The following CAMTA1 variants were observed in gnomAD, a reference collection of about 807,000 sequenced individuals.
The protein encoded by CAMTA1 is calmodulin-binding transcription activator 1.
A neutral mutation model predicts 170.9 loss-of-function variants in CAMTA1; 27 were observed. The ratio of observed to expected loss-of-function variants is 0.16; its 90% confidence interval spans 0.12 to 0.22. CAMTA1 has a LOEUF of 0.22. Among genes scored for constraint, CAMTA1 ranks in the 10% least tolerant of loss-of-function variants. The probability of loss-of-function intolerance (pLI) is 1.00; values close to 1 mark genes in which losing one functional copy is unlikely to be tolerated. For missense variants in CAMTA1, 1,619 were observed against 2,217.2 expected (o/e 0.73, Z 5.42); for synonymous variants, 833 against 891.5 (o/e 0.93, Z 1.17).
Position 7,769,340 on chromosome 1 carries a change from T to G in CAMTA1, c.*2849T>G, listed in dbSNP as rs1345717430. ...AATTAATAGCTAATCTTATTCTATC[T>G]CCTGAAGATTTAATTGCTATTGTTA... On this transcript the variant is annotated 3_prime_UTR_variant, in exon 23 of 23. Coordinates refer to ENST00000303635, the MANE Select transcript of CAMTA1 (RefSeq NM_015215.4). 6.5e-6 allele frequency: 1 copy of G among 152,794 alleles called. No homozygotes were observed. Among genetic ancestry groups the G allele is most frequent in the Non-Finnish European group, 1.5e-5 (1 of 68,032 alleles). 9.5% of individuals were successfully genotyped at this position (152,794 alleles called of 1,614,324 possible).
At chr1:6,985,249 G>A (rs977788255) in intron 3 of CAMTA1, among the ~76,000 whole-genome samples, 14 of 152,212 alleles carry the variant, frequency 9.2e-5, no homozygotes, top group East Asian at 3.9e-4. Context: ...CAGTAAAGGC[G>A]TCCTGGGTTT....
At chr1:7,692,979 G>A (rs1261233594) in intron 11 of CAMTA1, 1 of 152,272 alleles carries the variant, frequency 6.6e-6, no homozygotes, top group Non-Finnish European at 1.5e-5. Context: ...CATCTGGAGG[G>A]AACACACTTG....
intron 3 of CAMTA1, among the ~76,000 whole-genome samples, chr1:6,948,469 C>T (rs1016044045): frequency 2.6e-5 from 4 of 152,188 alleles, no homozygotes; most frequent in African/African-American, 9.7e-5. Context: ...ATCAGTGTCT[C>T]GTTTCATCCT....
chr1:7,017,702 T>C (rs894779183), intron 3 of CAMTA1, among the ~76,000 whole-genome samples: 1 of 152,214 alleles, frequency 6.6e-6, no homozygotes, highest in African/African-American at 2.4e-5. Flanking sequence ...CACATTCTTG[T>C]TGGTGTCTTA....
intron 3 of CAMTA1, among the ~76,000 whole-genome samples, chr1:6,835,935 T>G (rs1469091878): frequency 6.6e-6 from 1 of 152,194 alleles, no homozygotes; most frequent in African/African-American, 2.4e-5. Flanking sequence ...TTTTTCAATG[T>G]TTTTTGAAAG....
intron 3 of CAMTA1, among the ~76,000 whole-genome samples, chr1:6,892,597 C>CTTTTTTTTTT (rs70984032): frequency 8.3e-6 from 1 of 120,874 alleles, no homozygotes; most frequent in Non-Finnish European, 1.7e-5. Context: ...TTTTTCTTTT[C>CTTTTTTTTTT]TTTTTTTTTT....
chr1:7,735,519 A>T (rs972022690), intron 12 of CAMTA1, among the ~76,000 whole-genome samples: 10 of 152,092 alleles, frequency 6.6e-5, no homozygotes, highest in Non-Finnish European at 1.3e-4. Context: ...TGGAAACATT[A>T]GGAAAGCTAC....
Position 7,307,235 on chromosome 1 carries a change from G to A in CAMTA1, c.438+57609G>A, listed in dbSNP as rs34063650. The stretch of plus-strand genomic sequence containing the variant: ...TTTAAATGGCATTTTTTAAGAACTG[G>A]TTTTCACTAATTCATTGCTAGTATA... On this transcript the variant is annotated intron_variant, in intron 5 of 22. Transcript: ENST00000303635. 3.4e-4 allele frequency among the ~76,000 whole-genome samples: 52 copies of A among 151,798 alleles called. 1 individual carries two copies. The East Asian group carries it at 9.5e-3, about 28-fold the overall frequency.
At chr1:7,647,520 G>A (rs1257355853) in intron 7 of CAMTA1, among the ~76,000 whole-genome samples, 2 of 152,132 alleles carry the variant, frequency 1.3e-5, no homozygotes, top group South Asian at 2.1e-4. Flanking sequence ...TGTCCCACCC[G>A]CGCCTCTGGA....
chr1:7,605,792 G>A (rs2095481565), intron 6 of CAMTA1, among the ~76,000 whole-genome samples: 1 of 152,222 alleles, frequency 6.6e-6, no homozygotes, highest in Admixed American at 6.5e-5. Flanking sequence ...GGGAGCTGTA[G>A]ACTGGAGCTG....
At chr1:6,995,649 T>C (rs1697143456) in intron 3 of CAMTA1, among the ~76,000 whole-genome samples, 1 of 152,224 alleles carries the variant, frequency 6.6e-6, no homozygotes, top group Non-Finnish European at 1.5e-5. Flanking sequence ...ATACAAATCA[T>C]TATTATTCAA....
chr1:7,645,485 A>C (rs559741289), intron 7 of CAMTA1, among the ~76,000 whole-genome samples: 1 of 152,354 alleles, frequency 6.6e-6, no homozygotes, highest in African/African-American at 2.4e-5. Flanking sequence ...CATGACTTCT[A>C]AGCTGTGTTC....
intron 4 of CAMTA1, among the ~76,000 whole-genome samples, chr1:7,191,454 G>A (rs1654512258): frequency 1.3e-5 from 2 of 152,174 alleles, no homozygotes; most frequent in Non-Finnish European, 2.9e-5. Flanking sequence ...GCGTTGTTTA[G>A]TTCCTTTACA....
chr1:6,813,321 C>T (rs535922830), intron 1 of CAMTA1, among the ~76,000 whole-genome samples: 128 of 152,042 alleles, frequency 8.4e-4, no homozygotes, highest in Middle Eastern at 3.4e-3. Context: ...TTTTGACAGA[C>T]CTTGTGCTGT....
At chr1:7,431,698 C>A (rs932773994) in intron 5 of CAMTA1, among the ~76,000 whole-genome samples, 1 of 152,210 alleles carries the variant, frequency 6.6e-6, no homozygotes, top group East Asian at 1.9e-4. Context: ...CAGATCAGGT[C>A]CCCTTAGGTG....
intron 6 of CAMTA1, among the ~76,000 whole-genome samples, chr1:7,571,592 G>A (rs1040191417): frequency 7.2e-5 from 11 of 152,128 alleles, no homozygotes; most frequent in African/African-American, 2.2e-4. Flanking sequence ...TGCAGTAGTT[G>A]GTTTTCTGTT....
chr1:7,206,746 C>T (rs374184849), intron 4 of CAMTA1, among the ~76,000 whole-genome samples: 20 of 152,302 alleles, frequency 1.3e-4, no homozygotes, highest in African/African-American at 4.6e-4. Flanking sequence ...ATGTGGGAGC[C>T]TCTGTTGCTT....
At chr1:7,012,434 C>A (rs965671239) in intron 3 of CAMTA1, among the ~76,000 whole-genome samples, 4 of 152,142 alleles carry the variant, frequency 2.6e-5, no homozygotes. Context: ...ACCGGTCTTT[C>A]TCTCCTCCCT....
At chr1:7,506,616 A>G (rs916476917) in intron 6 of CAMTA1, among the ~76,000 whole-genome samples, 4 of 151,814 alleles carry the variant, frequency 2.6e-5, no homozygotes, top group African/African-American at 4.8e-5. Flanking sequence ...TCACACTCTC[A>G]TACTAATGTT....
Sources: gnomAD v4.1 joint callset for allele counts (sites outside exome capture counted in the v4.1 genomes callset) on GRCh38, gnomAD v4.1.1 for gene constraint, MANE v1.5 for transcripts, NCBI Gene and HGNC (gene_info 2026-07-23, HGNC 2026-07-21) for gene names.